Variants in CNTLN observed in about 807,000 individuals in gnomAD.
CNTLN encodes centlein, centrosomal protein.
A neutral mutation model predicts 180.0 loss-of-function variants in CNTLN; 212 were observed. The ratio of observed to expected loss-of-function variants is 1.18; its 90% CI spans 1.05 to 1.32. The LOEUF is 1.32. CNTLN is among the 40% of genes most tolerant of loss of function. The pLI is 0.00. For synonymous variants in CNTLN, 722 were observed against 563.1 expected (o/e 1.28, Z -3.99); for missense variants, 2,095 against 1,610.9 (o/e 1.30, Z -5.14).
At chr9:17,455,763 A>G (rs374296969) in intron 18 of CNTLN, among the ~76,000 whole-genome samples, 3 of 147,652 alleles carry the variant, frequency 2.0e-5, no homozygotes, top group African/African-American at 7.5e-5. Context: ...GGTTTGGGGA[A>G]TGGCAGGCAG....
At chr9:17,259,066 A>T (rs1231438298) in intron 5 of CNTLN, among the ~76,000 whole-genome samples, 1 of 146,116 alleles carries the variant, frequency 6.8e-6, no homozygotes, top group Non-Finnish European at 1.5e-5. Context: ...TTCAAAGGGA[A>T]TGCTTCCAGT....
rs186570080 is a variant in CNTLN, at chr9:17,363,232, A to G, written c.1887-3385A>G. On this transcript the variant is annotated intron_variant, in intron 12 of 25. Transcript: ENST00000380647. ...TAGGATGATTTATAATCCTCTGGGT[A>G]TACCCAGTAATGGGATTGCTGGGTC... 2.0e-3 allele frequency among the ~76,000 whole-genome samples: 312 copies of G among 152,316 alleles called. 1 individual carries two copies. The highest frequency in any genetic ancestry group is 7.2e-3 in the African/African-American group (299 of 41,590).
At chr9:17,178,971 G>A (rs916132109) in intron 2 of CNTLN, among the ~76,000 whole-genome samples, 1 of 146,072 alleles carries the variant, frequency 6.8e-6, no homozygotes, top group Non-Finnish European at 1.5e-5. Flanking sequence ...TTGGCCGGGC[G>A]CGGTGGCTCA....
chr9:17,227,185 T>G (rs976880344), intron 3 of CNTLN, among the ~76,000 whole-genome samples: 1 of 151,656 alleles, frequency 6.6e-6, no homozygotes, highest in South Asian at 2.1e-4. Flanking sequence ...CAAACACCCC[T>G]CACCAGCCCC....
intron 2 of CNTLN, among the ~76,000 whole-genome samples, chr9:17,150,023 T>G (rs2131499112): frequency 6.6e-6 from 1 of 152,350 alleles, no homozygotes; most frequent in South Asian, 2.1e-4. Context: ...TAGATTTGTT[T>G]AAGTTCTTTG....
At chr9:17,223,657 T>C (rs981602402) in intron 2 of CNTLN, among the ~76,000 whole-genome samples, 1 of 152,080 alleles carries the variant, frequency 6.6e-6, no homozygotes, top group African/African-American at 2.4e-5. Flanking sequence ...TTTACCTGGC[T>C]GTTTCATTTG....
intron 2 of CNTLN, among the ~76,000 whole-genome samples, chr9:17,180,592 A>G (rs957279273): frequency 6.6e-6 from 1 of 151,928 alleles, no homozygotes; most frequent in Non-Finnish European, 1.5e-5. Context: ...GAAGACAAGG[A>G]AAGTCTGTTG....
intron 2 of CNTLN, among the ~76,000 whole-genome samples, chr9:17,195,673 T>A (rs937786678): frequency 3.9e-5 from 6 of 152,254 alleles, no homozygotes; most frequent in African/African-American, 1.4e-4. Flanking sequence ...GGAGAGAGAA[T>A]CGGGAAGGAA....
chr9:17,366,750 G>C, intron 13 of CNTLN, 33 bp downstream of exon 13: 1 of 1,141,546 alleles, frequency 8.8e-7, no homozygotes, highest in Non-Finnish European at 1.3e-6. Context: ...CTTAACAGAG[G>C]AATTTTAAAA....
chr9:17,290,896 G>A (rs1328447851), intron 6 of CNTLN, among the ~76,000 whole-genome samples: 1 of 152,186 alleles, frequency 6.6e-6, no homozygotes, highest in Non-Finnish European at 1.5e-5. Context: ...CCACTGGCCT[G>A]CGCCCACTGT....
chr9:17,472,172 G>A (rs1832073819), intron 23 of CNTLN, among the ~76,000 whole-genome samples: 1 of 152,058 alleles, frequency 6.6e-6, no homozygotes, highest in Non-Finnish European at 1.5e-5. Context: ...AGGCCACCTA[G>A]TATTGCTTAT....
rs1246722076 is a variant in CNTLN, at chr9:17,409,375, G to C, written c.2698G>C (p.Gly900Arg). 4.3e-6 allele frequency: 7 copies of C among 1,613,036 alleles called. No homozygotes were observed. In the East Asian group the frequency reaches 1.6e-4, roughly 36 times the overall value. ...TSQKISPTED[G>R]KDQKESDPTE... Reference sequence around the variant, plus strand: ...CCAGAAAATAAGTCCTACGGAAGATGGAAAAGACCAGAAAGAAAGTGATCC... The same window carrying C: ...CCAGAAAATAAGTCCTACGGAAGATCGAAAAGACCAGAAAGAAAGTGATCC... Residue 900 changes from glycine (G) to arginine (R), a missense_variant, in exon 16 of 26, where the codon GGA becomes CGA. Coordinates refer to ENST00000380647, the MANE Select transcript of CNTLN (RefSeq NM_017738.4).
At chr9:17,140,258 C>A (rs1335599559) in intron 1 of CNTLN, among the ~76,000 whole-genome samples, 1 of 152,012 alleles carries the variant, frequency 6.6e-6, no homozygotes, top group African/African-American at 2.4e-5. Flanking sequence ...TAACATAGTT[C>A]CACAATCCAT....
intron 23 of CNTLN, 57 bp downstream of exon 23, chr9:17,466,948 G>A: frequency 8.1e-7 from 1 of 1,227,724 alleles, no homozygotes; most frequent in East Asian, 2.5e-5. Flanking sequence ...ATAGGCAGTA[G>A]CCTACTTGAG....
At chr9:17,164,418 C>A (rs1488609933) in intron 2 of CNTLN, among the ~76,000 whole-genome samples, 1 of 145,396 alleles carries the variant, frequency 6.9e-6, no homozygotes, top group African/African-American at 2.5e-5. Context: ...AGACCAAGTC[C>A]GGATTTAACA....
intron 23 of CNTLN, among the ~76,000 whole-genome samples, chr9:17,474,718 AT>A (rs976288151): frequency 2.0e-5 from 3 of 151,974 alleles, no homozygotes; most frequent in African/African-American, 7.2e-5. Context: ...AAAATACAAA[AT>A]TAGCCAGGCA....
intron 23 of CNTLN, among the ~76,000 whole-genome samples, chr9:17,475,985 T>C (rs1319295318): frequency 6.6e-6 from 1 of 152,178 alleles, no homozygotes; most frequent in South Asian, 2.1e-4. Context: ...TTTTACAAAT[T>C]GAAGATTTGT....
At chr9:17,294,936 G>A (rs1404819064) in intron 6 of CNTLN, among the ~76,000 whole-genome samples, 1 of 134,422 alleles carries the variant, frequency 7.4e-6, no homozygotes. Context: ...GAGGGCGGGG[G>A]AGGCTCAGGC....
intron 16 of CNTLN, among the ~76,000 whole-genome samples, chr9:17,414,496 C>CTAT (rs1376478751): frequency 1.3e-5 from 2 of 151,888 alleles, no homozygotes; most frequent in African/African-American, 4.8e-5. Flanking sequence ...GTGGCTGATA[C>CTAT]TTAAATACTA....
Sources: allele counts gnomAD v4.1 joint callset (sites outside exome capture counted in the v4.1 genomes callset), GRCh38; gene constraint gnomAD v4.1.1; transcripts MANE v1.5; gene names NCBI Gene and HGNC (gene_info 2026-07-23, HGNC 2026-07-21).